Variants in NRP1 observed in about 807,000 individuals in gnomAD.
The protein encoded by NRP1 is neuropilin 1, also known as neuropilin-1.
A neutral mutation model predicts 106.7 loss-of-function variants in NRP1; 35 were observed. The observed-to-expected ratio is 0.33, with a 90% CI of 0.25 to 0.43. The LOEUF (loss-of-function observed/expected upper bound fraction) is 0.43. NRP1 is among the 20% of genes least tolerant of loss of function. The probability of loss-of-function intolerance (pLI) is 1.00; values close to 1 mark genes in which losing one functional copy is unlikely to be tolerated. For missense variants in NRP1, 1,024 were observed against 1,170.4 expected, an observed-to-expected ratio of 0.87 and a Z score of 1.83; for synonymous variants, 437 against 417.9, an observed-to-expected ratio of 1.05 and a Z score of -0.56.
intron 10 of NRP1, among the ~76,000 whole-genome samples, chr10:33,203,221 T>C (rs995591296): frequency 2.0e-5 from 3 of 152,226 alleles, no homozygotes; most frequent in African/African-American, 4.8e-5. Flanking sequence ...CCGAGTAGAG[T>C]TGTCTGCCTT....
intron 2 of NRP1, among the ~76,000 whole-genome samples, chr10:33,306,459 G>T (rs1216712456): frequency 3.3e-5 from 5 of 151,838 alleles, no homozygotes; most frequent in Admixed American, 3.3e-4. Context: ...TTGACATAAA[G>T]ATTCTGAATT....
chr10:33,276,804 C>A (rs182394259), intron 2 of NRP1, among the ~76,000 whole-genome samples: 25 of 152,204 alleles, frequency 1.6e-4, no homozygotes, highest in African/African-American at 5.5e-4. Context: ...GTGCTTAGAG[C>A]ATCTTGGTGT....
rs905975613 is a variant in NRP1 at position 33,255,769 on chromosome 10, G to T, written c.814+547C>A. ...CCTGGCCTTATTCTTTGTTCTTTCA[G>T]ATTTTTTTTCTTGGGCCTTTAAAAG... On this transcript the variant is annotated intron_variant, in intron 5 of 16. Transcript: ENST00000374867. 3.3e-5 allele frequency among the ~76,000 whole-genome samples: 5 copies of T among 152,072 alleles called. No homozygotes were observed. The East Asian group carries it at 9.6e-4, about 29-fold the overall frequency.
rs368815672 is a variant in NRP1, at chr10:33,207,748, GAA to G, written c.1615-34_1615-33del. 2.2e-5 allele frequency: 28 copies of G among 1,290,520 alleles called. No homozygotes were observed. In the Admixed American group the frequency reaches 4.4e-4, roughly 20 times the overall value. The allele number at this position is 1,290,520 out of a possible 1,614,324, so 79.9% of individuals were successfully genotyped here. On this transcript the variant is annotated intron_variant, in intron 9 of 16. Transcript: ENST00000374867. ...AGCATGGAAAACACAGGGCATTAAG[GAA>G]AAAAAAAAACAGAGCTCCCTTTTAG...
At chr10:33,246,404 A>G (rs1041416417) in intron 6 of NRP1, among the ~76,000 whole-genome samples, 7 of 152,226 alleles carry the variant, frequency 4.6e-5, no homozygotes, top group African/African-American at 1.7e-4. Flanking sequence ...CATAGGTAAC[A>G]GACCTCTGCT....
intron 6 of NRP1, among the ~76,000 whole-genome samples, chr10:33,229,713 A>G (rs1839952561): frequency 1.3e-5 from 2 of 152,180 alleles, no homozygotes; most frequent in South Asian, 4.1e-4. Context: ...TATTAGGAAC[A>G]GCTGACATCA....
At chr10:33,295,183 G>A (rs775864372) in intron 2 of NRP1, among the ~76,000 whole-genome samples, 29 of 152,164 alleles carry the variant, frequency 1.9e-4, no homozygotes, top group Admixed American at 5.2e-4. Flanking sequence ...TGCGGTGATA[G>A]GAAAGCATGA....
chr10:33,249,084 GT>G (rs750905931), intron 6 of NRP1, among the ~76,000 whole-genome samples: 1,896 of 72,006 alleles, frequency 0.026, 11 homozygotes, highest in African/African-American at 0.081. Flanking sequence ...TATGTCTCTT[GT>G]TTTTTTTTTT....
chr10:33,205,398 T>A (rs1188663552), intron 10 of NRP1: 1 of 152,112 alleles, frequency 6.6e-6, no homozygotes, highest in Non-Finnish European at 1.5e-5. Context: ...TCCCAATGAG[T>A]CCTCATTGCC....
At chr10:33,206,367 G>GCACAT in intron 10 of NRP1, 1 of 518,108 alleles carries the variant, frequency 1.9e-6, no homozygotes, top group Non-Finnish European at 3.9e-6. Flanking sequence ...GATAATTTAG[G>GCACAT]GGTTTGGGAC....
At position 33,225,796 on chromosome 10, in the gene NRP1, G is replaced by GA. The variant is rs374236165; in HGVS notation, c.1137+337dup. Among the ~76,000 whole-genome samples, 1,217 of 152,324 alleles carry GA rather than the reference G, an allele frequency of 8.0e-3. 10 individuals are homozygous for GA. Among genetic ancestry groups the GA allele is most frequent in the Non-Finnish European group, 0.014 (966 of 68,030 alleles). ...TGAAAGGATGAAGAAATCGAGGGGG[G>GA]AAAAACAACAAAACCCCAAATTCCT... On this transcript the variant is annotated intron_variant, in intron 7 of 16. Coordinates refer to ENST00000374867, the MANE Select transcript of NRP1 (RefSeq NM_003873.7).
intron 2 of NRP1, among the ~76,000 whole-genome samples, chr10:33,314,028 C>G (rs1846820692): frequency 6.8e-6 from 1 of 147,464 alleles, no homozygotes; most frequent in African/African-American, 2.5e-5. Flanking sequence ...TTCTCTCTCT[C>G]TCTTTCTCTC....
intron 2 of NRP1, among the ~76,000 whole-genome samples, chr10:33,322,394 GA>G (rs1378663337): frequency 2.0e-5 from 3 of 152,026 alleles, no homozygotes. Flanking sequence ...TTTAAAAACT[GA>G]AGGATAGAGT....
At chr10:33,305,267 T>A (rs1846067880) in intron 2 of NRP1, among the ~76,000 whole-genome samples, 1 of 152,208 alleles carries the variant, frequency 6.6e-6, no homozygotes, top group Non-Finnish European at 1.5e-5. Flanking sequence ...TAGCTCAAGA[T>A]ATAATGTGGA....
Position 33,182,690 on chromosome 10 carries a change from A to C in NRP1, c.2482+8T>G. ...TTTTTTAAAAATTGGTCAGCAAGAC[A>C]AATTTACCTGTTTCATCAATTTTAA... On this transcript the variant is annotated splice_region_variant and intron_variant, in intron 16 of 16. Coordinates refer to ENST00000374867, the MANE Select transcript of NRP1 (RefSeq NM_003873.7). The C allele has an allele frequency of 6.2e-7, 1 of 1,608,978 alleles. No homozygotes were observed. The highest frequency in any genetic ancestry group is 8.5e-7 in the Non-Finnish European group (1 of 1,176,480).
chr10:33,292,991 A>G (rs1204015192), intron 2 of NRP1, among the ~76,000 whole-genome samples: 1 of 151,910 alleles, frequency 6.6e-6, no homozygotes, highest in Non-Finnish European at 1.5e-5. Context: ...ATCTCAAAAA[A>G]AAAAAAAGCC....
At chr10:33,217,266 G>A (rs147733962) in intron 8 of NRP1, among the ~76,000 whole-genome samples, 63 of 152,066 alleles carry the variant, frequency 4.1e-4, no homozygotes, top group African/African-American at 1.3e-3. Context: ...ATGCAGACTC[G>A]GCTGGGGCAC....
intron 5 of NRP1, 121 bp downstream of exon 5, chr10:33,256,195 C>T: frequency 1.1e-6 from 1 of 918,222 alleles, no homozygotes; most frequent in East Asian, 2.4e-5. Context: ...AAGAGAAAAA[C>T]AGACAGCTGG....
At chr10:33,195,995 A>G (rs900504643) in intron 12 of NRP1, among the ~76,000 whole-genome samples, 5 of 152,138 alleles carry the variant, frequency 3.3e-5, no homozygotes, top group Non-Finnish European at 7.3e-5. Flanking sequence ...GACAGGACCG[A>G]CTGGCCCCTC....
Sources: allele counts gnomAD v4.1 joint callset (sites outside exome capture counted in the v4.1 genomes callset), GRCh38; gene constraint gnomAD v4.1.1; transcripts MANE v1.5; gene names NCBI Gene and HGNC (gene_info 2026-07-23, HGNC 2026-07-21).